Variants in PLOD2 observed in about 807,000 individuals in gnomAD.
PLOD2 encodes lysine hydroxylase 2.
In PLOD2, 65 loss-of-function variants were observed where a neutral mutation model predicts 101.0. That is an observed-to-expected ratio of 0.64 (90% confidence interval 0.53 to 0.79). The LOEUF is 0.79. Among genes scored for constraint, PLOD2 ranks in the 30% least tolerant of loss-of-function variants. PLOD2 has a pLI of 0.00. For synonymous variants in PLOD2, 314 were observed against 302.9 expected, an observed-to-expected ratio of 1.04 and a Z score of -0.38; for missense variants, 909 against 914.6, an observed-to-expected ratio of 0.99 and a Z score of 0.08.
intron 6 of PLOD2, among the ~76,000 whole-genome samples, chr3:146,103,358 G>C (rs1380668174): frequency 1.3e-5 from 2 of 151,978 alleles, no homozygotes; most frequent in Non-Finnish European, 2.9e-5. Context: ...TTAAAAATCA[G>C]ACTTAGCACA....
rs1364746191 is a variant in PLOD2 at position 146,104,333 on chromosome 3, T to TA, written c.624dup (p.Asn209Ter). The TA allele has an allele frequency of 6.5e-7, 1 of 1,529,014 alleles. No homozygotes were observed. The highest frequency in any genetic ancestry group is 9.1e-7 in the Non-Finnish European group (1 of 1,102,622). The allele number at this position is 1,529,014 out of a possible 1,614,324, so 94.7% of individuals were successfully genotyped here. ...TTGCATTTGTGATCCAATGTGATGT[T>TA]AATAGCTTCCTAAAACATAAGAATA... On this transcript the variant is annotated frameshift_variant, in exon 6 of 20. Coordinates refer to ENST00000282903, the MANE Select transcript of PLOD2 (RefSeq NM_182943.3). LOFTEE classifies it high-confidence loss of function.
Position 146,091,830 on chromosome 3 carries a change from T to C in PLOD2, c.849A>G (p.Glu283=). Residue 283 remains glutamate (E), a synonymous_variant, in exon 8 of 20, where the codon GAA becomes GAG. Transcript: ENST00000282903. ...WTQDNGCTLC[E]FDTVDLSAVD... Reference sequence around the variant, plus strand: ...CTGCAGACAAGTCGACTGTATCGAATTCACAAAGAGTGCAGCCATTATCCT... The same window carrying C: ...CTGCAGACAAGTCGACTGTATCGAACTCACAAAGAGTGCAGCCATTATCCT... 2 of 1,604,932 alleles carry C rather than the reference T, an allele frequency of 1.2e-6. No individual in the cohort carries two copies. The highest frequency in any genetic ancestry group is 2.2e-5 in the South Asian group (2 of 90,840).
At chr3:146,127,939 T>C (rs1410101826) in intron 1 of PLOD2, among the ~76,000 whole-genome samples, 6 of 152,064 alleles carry the variant, frequency 3.9e-5, no homozygotes, top group African/African-American at 1.2e-4. Flanking sequence ...TCAACCTCCA[T>C]GGAAAATAGT....
chr3:146,129,521 C>T (rs536917823), intron 1 of PLOD2, among the ~76,000 whole-genome samples: 3 of 152,228 alleles, frequency 2.0e-5, no homozygotes, highest in African/African-American at 7.2e-5. Context: ...TGCGTCTCAA[C>T]TGTAATATGT....
At chr3:146,117,505 A>T (rs1937966246) in intron 3 of PLOD2, among the ~76,000 whole-genome samples, 1 of 152,090 alleles carries the variant, frequency 6.6e-6, no homozygotes, top group Admixed American at 6.6e-5. Flanking sequence ...GGTAAAAAAA[A>T]TTTCTTATGT....
chr3:146,120,210 T>C (rs2029998430), intron 3 of PLOD2, among the ~76,000 whole-genome samples: 1 of 152,216 alleles, frequency 6.6e-6, no homozygotes, highest in East Asian at 1.9e-4. Flanking sequence ...TGAGCATTTT[T>C]TCATGTGTAT....
Position 146,070,657 on chromosome 3 carries a change from G to T in PLOD2, c.*60C>A. On this transcript the variant is annotated 3_prime_UTR_variant, in exon 20 of 20. Transcript: ENST00000282903. The stretch of plus-strand genomic sequence containing the variant: ...TCATCTTCTCAGCCACAACTTCAAA[G>T]ACGTGTTCATGCCAGTCATTCATCC... 1 of 1,122,846 alleles carries T rather than the reference G, an allele frequency of 8.9e-7. No individual in the cohort carries two copies. Among genetic ancestry groups the T allele is most frequent in the Non-Finnish European group, 1.3e-6 (1 of 745,086 alleles). The allele number at this position is 1,122,846 out of a possible 1,614,324, so 69.6% of individuals were successfully genotyped here.
intron 1 of PLOD2, among the ~76,000 whole-genome samples, chr3:146,126,261 A>C (rs1050520981): frequency 2.6e-5 from 4 of 152,290 alleles, no homozygotes; most frequent in African/African-American, 9.6e-5. Flanking sequence ...TGTTAAAGAA[A>C]GGTCTGGTTA....
chr3:146,108,707 T>G (rs978360213), intron 4 of PLOD2, among the ~76,000 whole-genome samples: 8 of 152,296 alleles, frequency 5.3e-5, no homozygotes, highest in Non-Finnish European at 5.9e-5. Context: ...TAAACTGACT[T>G]ACAACTGCAC....
At chr3:146,081,194 C>T (rs186615474) in intron 12 of PLOD2, among the ~76,000 whole-genome samples, 17 of 152,182 alleles carry the variant, frequency 1.1e-4, no homozygotes, top group Admixed American at 3.9e-4. Flanking sequence ...AAATCATGCA[C>T]ACACTTTTCA....
At position 146,104,321 on chromosome 3, in the gene PLOD2, C is replaced by A; in HGVS notation, c.637G>T (p.Asp213Tyr). The A allele has an allele frequency of 6.3e-7, 1 of 1,576,068 alleles. No homozygotes were observed. The highest frequency in any genetic ancestry group is 1.1e-5 in the South Asian group (1 of 90,252). Residue 213 changes from aspartate to tyrosine, a missense_variant, in exon 6 of 20, where the codon GAT becomes TAT. Coordinates refer to ENST00000282903, the MANE Select transcript of PLOD2 (RefSeq NM_182943.3). The stretch of plus-strand genomic sequence containing the variant: ...GTCTGGAAAATTTTGCATTTGTGAT[C>A]CAATGTGATGTTAATAGCTTCCTAA... ...LKREAINITLDHKCKIFQTLN... is the reference protein window; with the variant it reads ...LKREAINITLYHKCKIFQTLN...
chr3:146,130,912 T>C (rs2030871749), intron 1 of PLOD2, among the ~76,000 whole-genome samples: 1 of 152,190 alleles, frequency 6.6e-6, no homozygotes, highest in Non-Finnish European at 1.5e-5. Flanking sequence ...TTGGATTCCA[T>C]ATGGTTTCCA....
intron 1 of PLOD2, among the ~76,000 whole-genome samples, chr3:146,124,695 T>C (rs1236227159): frequency 6.6e-6 from 1 of 152,126 alleles, no homozygotes; most frequent in Non-Finnish European, 1.5e-5. Flanking sequence ...TAAATCTGAT[T>C]CTAATTTTCT....
intron 1 of PLOD2, among the ~76,000 whole-genome samples, chr3:146,154,278 G>T (rs1347951018): frequency 1.3e-5 from 2 of 152,050 alleles, no homozygotes; most frequent in Non-Finnish European, 2.9e-5. Flanking sequence ...TTGAAATACG[G>T]TTTTTTCTTT....
At chr3:146,102,672 T>A (rs1937430062) in intron 7 of PLOD2, 83 bp downstream of exon 7, 2 of 742,114 alleles carry the variant, frequency 2.7e-6, no homozygotes, top group Admixed American at 4.7e-5. Context: ...AAGAAATTTT[T>A]AAAAATAAAA....
At chr3:146,118,389 G>A (rs906528346) in intron 3 of PLOD2, among the ~76,000 whole-genome samples, 2 of 151,730 alleles carry the variant, frequency 1.3e-5, no homozygotes, top group Admixed American at 1.3e-4. Context: ...TTTTAAGTGT[G>A]TACGGCACTG....
chr3:146,152,903 T>G (rs925271188), intron 1 of PLOD2, among the ~76,000 whole-genome samples: 1 of 152,208 alleles, frequency 6.6e-6, no homozygotes, highest in East Asian at 1.9e-4. Context: ...TGTTTTGCCC[T>G]TGGTTACTTA....
At chr3:146,088,751 G>A (rs767185259) in intron 8 of PLOD2, 40 bp from the exon 9 acceptor site, 3 of 1,493,806 alleles carry the variant, frequency 2.0e-6, no homozygotes, top group East Asian at 2.3e-5. Flanking sequence ...ATTATCATTA[G>A]TATGGTTTTG....
chr3:146,069,586 G>A lies in PLOD2; in HGVS notation c.*1131C>T, dbSNP rs1936049878. ...TAAGGATATTTCAACCTTACTTAGA[G>A]AAGTGATAAAACATCAAGTCAACAA... On this transcript the variant is annotated 3_prime_UTR_variant, in exon 20 of 20. Coordinates refer to ENST00000282903, the MANE Select transcript of PLOD2 (RefSeq NM_182943.3). The A allele has an allele frequency of 6.6e-6, 1 of 152,184 alleles. No homozygotes were observed. The highest frequency in any genetic ancestry group is 1.5e-5 in the Non-Finnish European group (1 of 67,860). The allele number at this position is 152,184 out of a possible 1,614,324, so 9.4% of individuals were successfully genotyped here.
Sources: allele counts gnomAD v4.1 joint callset (sites outside exome capture counted in the v4.1 genomes callset), GRCh38; gene constraint gnomAD v4.1.1; transcripts MANE v1.5; gene names NCBI Gene and HGNC (gene_info 2026-07-23, HGNC 2026-07-21).